Variants in HLCS observed in about 807,000 individuals in gnomAD.
HLCS encodes the protein holocarboxylase synthetase, also known as biotin--protein ligase.
Under a neutral mutation model 75.0 loss-of-function variants are expected in HLCS, and 53 were observed. That is an observed-to-expected ratio of 0.71 (90% CI 0.57 to 0.89). The LOEUF is 0.89. Ranked by LOEUF, HLCS falls within the 40% of genes least tolerant of loss-of-function variation. The pLI is 0.00. For synonymous variants in HLCS, 431 were observed against 428.6 expected (o/e 1.01, Z -0.07); for missense variants, 966 against 1,074.0 (o/e 0.90, Z 1.41).
chr21:36,917,950 T>TA (rs71311088), intron 5 of HLCS, among the ~76,000 whole-genome samples: 52,824 of 140,942 alleles, frequency 0.37, 9,840 homozygotes, highest in African/African-American at 0.45. Flanking sequence ...TCTCTTGCAT[T>TA]AAAAAAAAAA....
chr21:36,963,765 T>C (rs1014273480), intron 1 of HLCS, among the ~76,000 whole-genome samples: 5 of 152,080 alleles, frequency 3.3e-5, no homozygotes, highest in African/African-American at 1.2e-4. Context: ...AAAAAAAGTA[T>C]GTCCACTTTA....
intron 8 of HLCS, among the ~76,000 whole-genome samples, chr21:36,760,878 C>CG (rs1462959661): frequency 2.0e-5 from 3 of 152,190 alleles, no homozygotes; most frequent in Non-Finnish European, 4.4e-5. Flanking sequence ...GACACAGAGA[C>CG]GGGGCTAGCC....
chr21:36,862,564 T>A (rs371881950), intron 6 of HLCS, among the ~76,000 whole-genome samples: 4 of 152,366 alleles, frequency 2.6e-5, no homozygotes, highest in South Asian at 4.1e-4. Context: ...TGCTTAATAA[T>A]AAATCTATTT....
chr21:36,788,151 T>C (rs1160991771), intron 6 of HLCS, among the ~76,000 whole-genome samples: 1 of 152,208 alleles, frequency 6.6e-6, no homozygotes, highest in Non-Finnish European at 1.5e-5. Flanking sequence ...GAAGCTGTTC[T>C]GTGCACAGGT....
intron 5 of HLCS, among the ~76,000 whole-genome samples, chr21:36,924,482 C>T (rs557111810): frequency 6.6e-6 from 1 of 152,266 alleles, no homozygotes; most frequent in South Asian, 2.1e-4. Flanking sequence ...ATCGCTTGAA[C>T]CCAGGAAGCA....
intron 6 of HLCS, among the ~76,000 whole-genome samples, chr21:36,895,706 C>G (rs1480566483): frequency 6.6e-6 from 1 of 152,096 alleles, no homozygotes; most frequent in East Asian, 1.9e-4. Context: ...AAACTATTAT[C>G]AAGAAAAAGG....
intron 6 of HLCS, among the ~76,000 whole-genome samples, chr21:36,883,236 A>T (rs951502440): frequency 6.6e-6 from 1 of 152,150 alleles, no homozygotes; most frequent in Non-Finnish European, 1.5e-5. Flanking sequence ...ATCAACTCTC[A>T]CCTCCAAAGC....
In HLCS at chr21:36,954,024, GGCCAGACGCA is replaced by G. The variant is rs542174272; in HGVS notation, c.330+8002_330+8011del. ...TCATATAAAAGTATAGCACAGACAA[GGCCAGACGCA>G]GTGGCTGATGCCTGTAATCCCAGCA... On this transcript the variant is annotated intron_variant, in intron 2 of 10. Transcript: ENST00000674895. Among the ~76,000 whole-genome samples, 16 of 152,288 alleles carry G rather than the reference GGCCAGACGCA, an allele frequency of 1.1e-4. No homozygotes were observed. The South Asian group carries it at 3.3e-3, about 32-fold the overall frequency.
At chr21:36,950,032 T>C (rs1388341323) in intron 2 of HLCS, among the ~76,000 whole-genome samples, 1 of 152,082 alleles carries the variant, frequency 6.6e-6, no homozygotes, top group East Asian at 1.9e-4. Context: ...CATGTCTCTA[T>C]CTCAGCGTTC....
intron 2 of HLCS, among the ~76,000 whole-genome samples, chr21:36,960,894 G>T (rs918899095): frequency 1.3e-5 from 2 of 152,118 alleles, no homozygotes; most frequent in African/African-American, 4.8e-5. Flanking sequence ...ACTGGATGTG[G>T]GTCCAGAATG....
chr21:36,920,791 C>T (rs531773565), intron 5 of HLCS, among the ~76,000 whole-genome samples: 2 of 152,090 alleles, frequency 1.3e-5, no homozygotes, highest in African/African-American at 2.4e-5. Flanking sequence ...AAATTATAGA[C>T]CTTTGACCTT....
intron 6 of HLCS, among the ~76,000 whole-genome samples, chr21:36,770,113 T>C (rs911908688): frequency 6.7e-6 from 1 of 149,658 alleles, no homozygotes; most frequent in East Asian, 2.0e-4. Context: ...TATGTCAAAT[T>C]AAAAAGCAGC....
intron 2 of HLCS, among the ~76,000 whole-genome samples, chr21:36,944,779 C>T (rs903442541): frequency 1.3e-5 from 2 of 152,142 alleles, no homozygotes; most frequent in Non-Finnish European, 2.9e-5. Context: ...CTCCCCAAGA[C>T]GTTCTTCACG....
At chr21:36,805,668 A>G (rs1320499140) in intron 6 of HLCS, among the ~76,000 whole-genome samples, 4 of 152,274 alleles carry the variant, frequency 2.6e-5, no homozygotes, top group Admixed American at 2.6e-4. Flanking sequence ...GCTGACTGCC[A>G]AGGGAAGAGG....
At chr21:36,911,748 C>CAAAAAAAAAAAAAAAAAAA (rs11287408) in intron 5 of HLCS, among the ~76,000 whole-genome samples, 1 of 47,830 alleles carries the variant, frequency 2.1e-5, no homozygotes. Context: ...GACTCCGTCT[C>CAAAAAAAAAAAAAAAAAAA]AAAAAAAAAA....
intron 6 of HLCS, among the ~76,000 whole-genome samples, chr21:36,876,866 T>C (rs571761644): frequency 1.8e-4 from 27 of 152,374 alleles, no homozygotes; most frequent in Admixed American, 5.9e-4. Context: ...TCTCCAACTA[T>C]GACGGTGGAC....
chr21:36,973,310 A>C (rs1018946692), intron 1 of HLCS, among the ~76,000 whole-genome samples: 1 of 147,012 alleles, frequency 6.8e-6, no homozygotes, highest in Non-Finnish European at 1.5e-5. Flanking sequence ...AAGGATTCAT[A>C]TCTAGAATAT....
At chr21:36,843,334 A>G (rs1454073240) in intron 6 of HLCS, among the ~76,000 whole-genome samples, 4 of 152,136 alleles carry the variant, frequency 2.6e-5, no homozygotes, top group African/African-American at 9.7e-5. Context: ...GCTACTTGGG[A>G]GGCTGAGGTA....
At chr21:36,916,124 C>T (rs925296328) in intron 5 of HLCS, among the ~76,000 whole-genome samples, 31 of 152,108 alleles carry the variant, frequency 2.0e-4, no homozygotes, top group African/African-American at 7.2e-4. Flanking sequence ...ACAACAATAG[C>T]ACTTATACAA....
Sources: allele counts gnomAD v4.1 joint callset (sites outside exome capture counted in the v4.1 genomes callset), GRCh38; gene constraint gnomAD v4.1.1; transcripts MANE v1.5; gene names NCBI Gene and HGNC (gene_info 2026-07-23, HGNC 2026-07-21).